The following SMIM35 variants were observed in gnomAD, a reference collection of about 807,000 sequenced individuals.
SMIM35 encodes the protein TMPRSS4 antisense RNA 1 (non-protein coding).
Position 118,064,699 on chromosome 11 carries a change from A to G in SMIM35, c.7+22052T>C, listed in dbSNP as rs138495708. Among the ~76,000 whole-genome samples, 581 of 151,880 alleles carry G rather than the reference A, an allele frequency of 3.8e-3. 2 individuals carry two copies. The highest frequency in any genetic ancestry group is 0.012 in the African/African-American group (501 of 41,332). On this transcript the variant is annotated intron_variant, in intron 1 of 4. Coordinates refer to ENST00000689828, the MANE Select transcript of SMIM35 (RefSeq NM_001394165.1). ...CGCTTTGTTGCCTAGGCTGGAGTGC[A>G]GTGGCAAGATCTTGGCTCACTGCAA...
chr11:118,014,742 C>T lies in SMIM35; in HGVS notation c.125-1G>A, dbSNP rs1044805664. 1.3e-5 allele frequency: 5 copies of T among 398,894 alleles called. No homozygotes were observed. The highest frequency in any genetic ancestry group is 1.0e-4 in the African/African-American group (5 of 48,732). 24.7% of individuals were successfully genotyped at this position (398,894 alleles called of 1,614,324 possible). On this transcript the variant is annotated splice_acceptor_variant, in intron 2 of 4. Coordinates refer to ENST00000689828, the MANE Select transcript of SMIM35 (RefSeq NM_001394165.1). LOFTEE classifies it high-confidence loss of function. The stretch of plus-strand genomic sequence containing the variant: ...TATAAGTTGAAGACAAAATTAGGCC[C>T]TAGGAAGACAATCCAAAAAGAGAGG...
At chr11:118,081,550 G>GA (rs1027833107) in intron 1 of SMIM35, among the ~76,000 whole-genome samples, 3 of 152,248 alleles carry the variant, frequency 2.0e-5, no homozygotes, top group African/African-American at 7.2e-5. Flanking sequence ...GGTAGCAGAT[G>GA]AAAGGAACAC....
At chr11:118,042,236 G>GA (rs1053060239) in intron 1 of SMIM35, among the ~76,000 whole-genome samples, 30 of 149,758 alleles carry the variant, frequency 2.0e-4, no homozygotes, top group African/African-American at 6.9e-4. Flanking sequence ...AGTTAACCAA[G>GA]AAAAAAAAAG....
At chr11:118,070,838 C>T (rs776434549) in intron 1 of SMIM35, among the ~76,000 whole-genome samples, 6 of 152,150 alleles carry the variant, frequency 3.9e-5, no homozygotes, top group African/African-American at 7.2e-5. Context: ...CAGAGGTCCC[C>T]AGTGGGCTGC....
chr11:118,022,461 G>A (rs1315420951), intron 1 of SMIM35, among the ~76,000 whole-genome samples: 3 of 152,088 alleles, frequency 2.0e-5, no homozygotes, highest in Non-Finnish European at 4.4e-5. Context: ...AAAGATATCT[G>A]GAAAACATCC....
At chr11:118,007,691 G>T (rs1361412347) in intron 4 of SMIM35, among the ~76,000 whole-genome samples, 1 of 151,978 alleles carries the variant, frequency 6.6e-6, no homozygotes, top group Non-Finnish European at 1.5e-5. Flanking sequence ...ACTGTGCCCG[G>T]CCGAAGATGT....
intron 1 of SMIM35, among the ~76,000 whole-genome samples, chr11:118,049,150 C>T (rs1336818602): frequency 6.6e-6 from 1 of 151,924 alleles, no homozygotes; most frequent in Non-Finnish European, 1.5e-5. Context: ...CACAGGGTAG[C>T]CACTGCCCTG....
intron 1 of SMIM35, among the ~76,000 whole-genome samples, chr11:118,056,693 C>T (rs781338103): frequency 2.0e-5 from 3 of 152,274 alleles, no homozygotes; most frequent in Non-Finnish European, 2.9e-5. Context: ...AGGAACCCCT[C>T]GGGAACACCA....
chr11:118,065,125 T>G (rs670294), intron 1 of SMIM35, among the ~76,000 whole-genome samples: 23,299 of 152,066 alleles, frequency 0.15, 1,957 homozygotes, highest in East Asian at 0.3. Context: ...CAAACACCCG[T>G]CCCTCCCCAG....
At chr11:118,012,161 G>T (rs899515976) in intron 4 of SMIM35, among the ~76,000 whole-genome samples, 1 of 152,216 alleles carries the variant, frequency 6.6e-6, no homozygotes, top group Non-Finnish European at 1.5e-5. Flanking sequence ...CTAGCAGAGA[G>T]GCTGGCAGCT....
chr11:118,079,699 C>T (rs547547303), intron 1 of SMIM35, among the ~76,000 whole-genome samples: 90 of 152,068 alleles, frequency 5.9e-4, no homozygotes, highest in African/African-American at 2.0e-3. Flanking sequence ...TCCTGTTTTC[C>T]GTGCCAGCCT....
At chr11:118,029,830 C>T in intron 1 of SMIM35, 1 of 456,772 alleles carries the variant, frequency 2.2e-6, no homozygotes, top group South Asian at 1.5e-5. Flanking sequence ...CCCTTTGTTT[C>T]CGCAGTCTTA....
intron 1 of SMIM35, chr11:118,059,497 A>G (rs1466238368): frequency 1.3e-5 from 2 of 152,252 alleles, no homozygotes; most frequent in African/African-American, 2.4e-5. Context: ...TCATAGACAC[A>G]TCTCAGAGTG....
chr11:118,039,464 C>A (rs1474094963), intron 1 of SMIM35, among the ~76,000 whole-genome samples: 2 of 152,002 alleles, frequency 1.3e-5, no homozygotes, highest in African/African-American at 4.8e-5. Flanking sequence ...AATCCCAGCA[C>A]TTTGGAAGGC....
At chr11:118,060,541 G>A (rs1186196568) in intron 1 of SMIM35, among the ~76,000 whole-genome samples, 1 of 152,194 alleles carries the variant, frequency 6.6e-6, no homozygotes, top group African/African-American at 2.4e-5. Flanking sequence ...GGAAGCCTTA[G>A]TGGTGGAAAC....
intron 2 of SMIM35, among the ~76,000 whole-genome samples, chr11:118,015,111 A>T (rs969315083): frequency 1.3e-5 from 2 of 152,276 alleles, no homozygotes; most frequent in East Asian, 1.9e-4. Flanking sequence ...GCATTGGCAC[A>T]TAGTAGGTGC....
intron 1 of SMIM35, among the ~76,000 whole-genome samples, chr11:118,027,995 G>A (rs1437837944): frequency 6.6e-6 from 1 of 152,220 alleles, no homozygotes; most frequent in African/African-American, 2.4e-5. Flanking sequence ...ATCCCAGAAA[G>A]CAGCATGGGG....
In SMIM35 at chr11:118,025,337, A is replaced by G. The variant is rs1342619241; in HGVS notation, c.8-9528T>C. ...AGTTGTGTTTTGAGTTCCTTGAAAA[A>G]TCTCCAAACTGCTTTCCACAGTGAC... On this transcript the variant is annotated intron_variant, in intron 1 of 4. Coordinates refer to ENST00000689828, the MANE Select transcript of SMIM35 (RefSeq NM_001394165.1). 7.0e-5 allele frequency: 24 copies of G among 340,718 alleles called. No homozygotes were observed. The Admixed American group carries it at 9.9e-4, about 14-fold the overall frequency. The allele number at this position is 340,718 out of a possible 1,614,324, so 21.1% of individuals were successfully genotyped here.
chr11:118,017,834 A>T (rs780707935), intron 1 of SMIM35, among the ~76,000 whole-genome samples: 3 of 152,204 alleles, frequency 2.0e-5, no homozygotes, highest in Admixed American at 6.5e-5. Context: ...GAAGGAGAAG[A>T]GTGCCAAGCA....
Sources: allele counts gnomAD v4.1 joint callset (sites outside exome capture counted in the v4.1 genomes callset), GRCh38; gene constraint gnomAD v4.1.1; transcripts MANE v1.5; gene names NCBI Gene and HGNC (gene_info 2026-07-23, HGNC 2026-07-21).